STK40: variants seen among roughly 807,000 people sequenced by gnomAD.
The protein encoded by STK40 is serine/threonine kinase 40.
STK40 carries 13 observed loss-of-function variants against 47.9 expected under a neutral mutation model. The ratio of observed to expected loss-of-function variants is 0.27; its 90% confidence interval spans 0.18 to 0.43. The LOEUF (loss-of-function observed/expected upper bound fraction) is 0.43, where lower values mean the gene tolerates loss of function less well. Ranked by LOEUF, STK40 falls within the 20% of genes least tolerant of loss-of-function variation. The pLI is 1.00. For synonymous variants in STK40, 225 were observed against 243.2 expected (o/e 0.93, Z 0.69); for missense variants, 460 against 595.1 (o/e 0.77, Z 2.36).
At chr1:36,367,160 T>C (rs192707538) in intron 1 of STK40, among the ~76,000 whole-genome samples, 35 of 152,222 alleles carry the variant, frequency 2.3e-4, no homozygotes, top group African/African-American at 8.2e-4. Flanking sequence ...CTCTTCTACA[T>C]TCTATCCTCA....
intron 7 of STK40, among the ~76,000 whole-genome samples, chr1:36,348,270 C>G (rs1230300046): frequency 6.6e-6 from 1 of 152,280 alleles, no homozygotes; most frequent in Non-Finnish European, 1.5e-5. Context: ...GCGCACCTCT[C>G]TGGCTTCCCC....
rs113074698 is a variant in STK40, at chr1:36,342,115, G to A, written c.1090-142C>T. On this transcript the variant is annotated intron_variant, in intron 10 of 10. Coordinates refer to ENST00000373132, the MANE Select transcript of STK40 (RefSeq NM_001282547.2). Reference sequence around the variant, plus strand: ...CACCACACCCTCAGGCCTCAAGGCCGGGGGTGGGAGTGGCGCTGAGGGTGG... The same window carrying A: ...CACCACACCCTCAGGCCTCAAGGCCAGGGGTGGGAGTGGCGCTGAGGGTGG... 1,904 of 793,088 alleles carry A rather than the reference G, an allele frequency of 2.4e-3. 8 individuals are homozygous for A. The highest frequency in any genetic ancestry group is 4.5e-3 in the Middle Eastern group (12 of 2,680). 49.1% of individuals were successfully genotyped at this position (793,088 alleles called of 1,614,324 possible). A position where few individuals can be genotyped will look rare whatever the true frequency, so the allele number is the denominator to read the frequency against.
intron 1 of STK40, among the ~76,000 whole-genome samples, chr1:36,361,567 T>G (rs1229651078): frequency 2.0e-5 from 3 of 152,154 alleles, no homozygotes; most frequent in Non-Finnish European, 4.4e-5. Context: ...AGGCAGCATA[T>G]ACAGGGTACA....
At chr1:36,354,296 G>C in intron 6 of STK40, 68 bp downstream of exon 6, 1 of 1,550,018 alleles carries the variant, frequency 6.5e-7, no homozygotes, top group Non-Finnish European at 8.9e-7. Flanking sequence ...CAGGGCACTG[G>C]AGAGTTGCAA....
chr1:36,362,349 TG>T (rs1646859814), intron 1 of STK40, among the ~76,000 whole-genome samples: 1 of 152,060 alleles, frequency 6.6e-6, no homozygotes, highest in African/African-American at 2.4e-5. Context: ...CCAGTGTGGG[TG>T]CAGGGCTCCG....
chr1:36,375,510 A>G (rs1646984020), intron 1 of STK40, among the ~76,000 whole-genome samples: 1 of 151,768 alleles, frequency 6.6e-6, no homozygotes, highest in Non-Finnish European at 1.5e-5. Flanking sequence ...CTGTCTCAAA[A>G]AAAAAAAAAG....
At chr1:36,367,637 T>A (rs967716711) in intron 1 of STK40, among the ~76,000 whole-genome samples, 3 of 152,110 alleles carry the variant, frequency 2.0e-5, no homozygotes, top group Non-Finnish European at 2.9e-5. Context: ...TTCCACCTGG[T>A]AGACACACCA....
Position 36,355,307 on chromosome 1 carries a change from T to C in STK40, c.469A>G (p.Ile157Val). Residue 157 changes from isoleucine (I) to valine (V), a missense_variant, in exon 5 of 11, where the codon ATC (isoleucine) becomes GTC (valine). By Grantham distance (29) the Ile-to-Val change is conservative (BLOSUM62 3). Coordinates refer to ENST00000373132, the MANE Select transcript of STK40 (RefSeq NM_001282547.2). ...TTGATGACGTAGTGCTGCAGGTTGA[T>C]GAGGTCAGCGGTCTTATCGCTGAAG... ...HDFSDKTADL[I>V]NLQHYVIKEK... 1 of 1,614,138 alleles carries C rather than the reference T, an allele frequency of 6.2e-7. No homozygotes were observed. Among genetic ancestry groups the C allele is most frequent in the Non-Finnish European group, 8.5e-7 (1 of 1,180,024 alleles).
At chr1:36,344,384 CCT>C in intron 7 of STK40, 120 bp from the exon 8 acceptor site, 1 of 1,305,554 alleles carries the variant, frequency 7.7e-7, no homozygotes, top group Non-Finnish European at 1.0e-6. Context: ...CCAGAGTCGT[CCT>C]CTGAGCTCCT....
At chr1:36,342,190 C>T (rs966737328) in intron 10 of STK40, 24 of 579,024 alleles carry the variant, frequency 4.1e-5, no homozygotes, top group Non-Finnish European at 7.1e-5. Flanking sequence ...GGCCGCCCTG[C>T]GGACCCGGGA....
intron 6 of STK40, among the ~76,000 whole-genome samples, chr1:36,353,362 T>C (rs1646776070): frequency 6.6e-6 from 1 of 152,144 alleles, no homozygotes; most frequent in South Asian, 2.1e-4. Context: ...TGGTGGTCCC[T>C]CTAACATGGT....
chr1:36,345,587 C>T (rs116688210), intron 7 of STK40, among the ~76,000 whole-genome samples: 1 of 152,186 alleles, frequency 6.6e-6, no homozygotes, highest in Non-Finnish European at 1.5e-5. Context: ...CCATGGCTGA[C>T]TCAAGGACAG....
At chr1:36,342,912 C>T in intron 10 of STK40, 1 of 482,126 alleles carries the variant, frequency 2.1e-6, no homozygotes, top group Non-Finnish European at 3.7e-6. Context: ...CTGCCCTCTG[C>T]TGCCTGGTGC....
chr1:36,342,118 G>T, intron 10 of STK40, 145 bp from the exon 11 acceptor site: 1 of 779,216 alleles, frequency 1.3e-6, no homozygotes, highest in Non-Finnish European at 2.1e-6. Context: ...CAAGGCCGGG[G>T]GTGGGAGTGG....
chr1:36,383,009 T>A (rs1172499163), intron 1 of STK40, among the ~76,000 whole-genome samples: 1 of 152,156 alleles, frequency 6.6e-6, no homozygotes, highest in Non-Finnish European at 1.5e-5. Context: ...AGTGCAATGA[T>A]GCAATTTTGG....
chr1:36,343,753 C>G (rs1646674871), intron 9 of STK40, 107 bp downstream of exon 9: 1 of 1,469,298 alleles, frequency 6.8e-7, no homozygotes. Flanking sequence ...GGAAATCTGA[C>G]TCTAACTGGC....
intron 1 of STK40, among the ~76,000 whole-genome samples, chr1:36,382,042 T>C (rs187542510): frequency 1.9e-3 from 282 of 152,306 alleles, no homozygotes; most frequent in African/African-American, 6.7e-3. Context: ...CTCATGTATG[T>C]GGAATCAGGG....
chr1:36,378,709 G>A (rs1293219747), intron 1 of STK40, among the ~76,000 whole-genome samples: 1 of 152,100 alleles, frequency 6.6e-6, no homozygotes, highest in Non-Finnish European at 1.5e-5. Flanking sequence ...TGCCCGCCTC[G>A]GCCTCCCGAA....
Position 36,348,681 on chromosome 1 carries a change from G to A in STK40, c.739+19C>T, listed in dbSNP as rs1646725111. On this transcript the variant is annotated intron_variant, in intron 7 of 10. Transcript: ENST00000373132. Reference sequence around the variant, plus strand: ...GCTGTATTGAGCTTAGAGGCCCAATGTCTGGCACACACACGTACCGCTGAG... The same window carrying A: ...GCTGTATTGAGCTTAGAGGCCCAATATCTGGCACACACACGTACCGCTGAG... The A allele has an allele frequency of 6.3e-7, 1 of 1,585,934 alleles. No individual in the cohort carries two copies. The highest frequency in any genetic ancestry group is 1.3e-5 in the African/African-American group (1 of 74,222).
Sources: gnomAD v4.1 joint callset for allele counts (sites outside exome capture counted in the v4.1 genomes callset) on GRCh38, gnomAD v4.1.1 for gene constraint, MANE v1.5 for transcripts, NCBI Gene and HGNC (gene_info 2026-07-23, HGNC 2026-07-21) for gene names.